The following HOOK3 variants were observed in gnomAD, a reference collection of about 807,000 sequenced individuals.
HOOK3 encodes protein Hook homolog 3.
Under a neutral mutation model 116.3 loss-of-function variants are expected in HOOK3, and 24 were observed. The observed-to-expected ratio is 0.21, with a 90% CI of 0.15 to 0.29. HOOK3 has a LOEUF of 0.29. HOOK3 is among the 10% of genes least tolerant of loss of function. HOOK3 has a pLI of 1.00. For missense variants in HOOK3, 632 were observed against 830.2 expected (o/e 0.76, Z 2.93); for synonymous variants, 275 against 283.0 (o/e 0.97, Z 0.28).
chr8:42,912,681 TCCTTG>T (rs1169836147), intron 2 of HOOK3, among the ~76,000 whole-genome samples: 1 of 146,558 alleles, frequency 6.8e-6, no homozygotes, highest in Non-Finnish European at 1.5e-5. Flanking sequence ...CACCACACAC[TCCTTG>T]CCCACCACAC....
At chr8:42,948,249 A>G (rs996098725) in intron 5 of HOOK3, among the ~76,000 whole-genome samples, 25 of 152,214 alleles carry the variant, frequency 1.6e-4, no homozygotes, top group African/African-American at 6.0e-4. Context: ...GTGATAAACT[A>G]TGCTGTGAAT....
At chr8:42,954,662 T>C (rs1000074315) in intron 6 of HOOK3, among the ~76,000 whole-genome samples, 8 of 152,234 alleles carry the variant, frequency 5.3e-5, no homozygotes, top group Admixed American at 6.5e-5. Flanking sequence ...CAAATACTTA[T>C]TGAGTACCCA....
At chr8:42,927,157 A>G (rs1464424102) in intron 3 of HOOK3, among the ~76,000 whole-genome samples, 1 of 150,698 alleles carries the variant, frequency 6.6e-6, no homozygotes. Flanking sequence ...TAAGAAAAGT[A>G]TTTATTTGTT....
At position 43,029,866 on chromosome 8, in the gene HOOK3, T is replaced by C. The variant is rs1809998910; in HGVS notation, c.*11368T>C. The C allele has an allele frequency of 4.7e-6, 1 of 213,940 alleles. No individual in the cohort carries two copies. The highest frequency in any genetic ancestry group is 2.3e-5 in the African/African-American group (1 of 44,266). 13.3% of individuals were successfully genotyped at this position (213,940 alleles called of 1,614,324 possible). A position where few individuals can be genotyped will look rare whatever the true frequency, so the allele number is the denominator to read the frequency against. On this transcript the variant is annotated 3_prime_UTR_variant, in exon 22 of 22. Coordinates refer to ENST00000307602, the MANE Select transcript of HOOK3 (RefSeq NM_032410.4). Reference sequence around the variant, plus strand: ...TGAAGCCTTATATTCATGTCTTAAGTACCATTGATTGTTCTGTGAATTGTT... The same window carrying C: ...TGAAGCCTTATATTCATGTCTTAAGCACCATTGATTGTTCTGTGAATTGTT...
intron 4 of HOOK3, among the ~76,000 whole-genome samples, chr8:42,939,843 C>T (rs548960124): frequency 3.3e-4 from 49 of 150,168 alleles, no homozygotes; most frequent in African/African-American, 8.8e-4. Context: ...ACATCCCGGA[C>T]GGGGCGGCAG....
chr8:42,920,589 A>G (rs1300798648), intron 2 of HOOK3, among the ~76,000 whole-genome samples: 1 of 152,216 alleles, frequency 6.6e-6, no homozygotes. Flanking sequence ...CAAGAAGGTG[A>G]TGAATGACGC....
At chr8:42,952,044 C>T (rs1043762541) in intron 6 of HOOK3, among the ~76,000 whole-genome samples, 1 of 152,188 alleles carries the variant, frequency 6.6e-6, no homozygotes, top group Non-Finnish European at 1.5e-5. Context: ...CTGACACCAA[C>T]TACCCAAAGT....
chr8:42,907,967 T>A (rs1392175573), intron 2 of HOOK3, among the ~76,000 whole-genome samples: 1 of 151,664 alleles, frequency 6.6e-6, no homozygotes, highest in African/African-American at 2.4e-5. Flanking sequence ...ATGAATACAG[T>A]AAAGTTGCAG....
chr8:42,937,551 A>G (rs972192968), intron 4 of HOOK3, among the ~76,000 whole-genome samples: 2 of 151,848 alleles, frequency 1.3e-5, no homozygotes, highest in Non-Finnish European at 2.9e-5. Flanking sequence ...CCCTCTAAAC[A>G]CTGCTTTAGC....
At chr8:42,949,260 A>AT (rs750245591) in intron 5 of HOOK3, 2 of 152,248 alleles carry the variant, frequency 1.3e-5, no homozygotes, top group Non-Finnish European at 2.9e-5. Context: ...TGCAAAGGCA[A>AT]GAAATTGTTT....
chr8:42,937,333 C>A (rs553335164), intron 4 of HOOK3, among the ~76,000 whole-genome samples: 18 of 148,608 alleles, frequency 1.2e-4, no homozygotes, highest in East Asian at 3.9e-4. Context: ...TAAAAAAAAA[C>A]CAGCTCCTGG....
intron 5 of HOOK3, among the ~76,000 whole-genome samples, chr8:42,945,001 C>T (rs552920718): frequency 2.8e-4 from 43 of 152,192 alleles, no homozygotes; most frequent in African/African-American, 8.9e-4. Context: ...ATTATTATTA[C>T]GTTGAAATAT....
chr8:42,919,465 G>C (rs1210981322), intron 2 of HOOK3, among the ~76,000 whole-genome samples: 76 of 148,930 alleles, frequency 5.1e-4, no homozygotes, highest in African/African-American at 1.8e-3. Flanking sequence ...CAGACTGGGC[G>C]GCCGGGCAGA....
chr8:42,931,121 G>C (rs937988716), intron 4 of HOOK3, among the ~76,000 whole-genome samples: 3 of 152,178 alleles, frequency 2.0e-5, no homozygotes, highest in Admixed American at 6.5e-5. Context: ...CTCTGCTTCT[G>C]TGCCTGAAAT....
intron 11 of HOOK3, among the ~76,000 whole-genome samples, chr8:42,969,791 C>G (rs1030772613): frequency 2.6e-5 from 4 of 152,082 alleles, no homozygotes; most frequent in African/African-American, 7.2e-5. Context: ...CTATTTTTAT[C>G]TTTTACCCAC....
At chr8:42,988,675 A>G (rs1173850886) in intron 15 of HOOK3, among the ~76,000 whole-genome samples, 2 of 152,182 alleles carry the variant, frequency 1.3e-5, no homozygotes, top group African/African-American at 4.8e-5. Context: ...TGTCTCAGGC[A>G]TTGTGCTGGG....
chr8:42,964,782 G>T (rs1162758310), intron 9 of HOOK3, among the ~76,000 whole-genome samples: 1 of 138,396 alleles, frequency 7.2e-6, no homozygotes, highest in Non-Finnish European at 1.6e-5. Context: ...AGCCGAGATC[G>T]TGCCACTGCA....
In HOOK3 at chr8:43,020,328, T is replaced by G. The variant is rs1483765692; in HGVS notation, c.*1830T>G. The G allele has an allele frequency of 1.5e-5, 3 of 198,278 alleles. No individual in the cohort carries two copies. Among genetic ancestry groups the G allele is most frequent in the Non-Finnish European group, 3.1e-5 (3 of 95,868 alleles). 12.3% of individuals were successfully genotyped at this position (198,278 alleles called of 1,614,324 possible). Reference sequence around the variant, plus strand: ...AGGAGGCTACGCAGACCTGATCAACTGCAAAGTTTCCAAAGTAAAAGATTA... The same window carrying G: ...AGGAGGCTACGCAGACCTGATCAACGGCAAAGTTTCCAAAGTAAAAGATTA... On this transcript the variant is annotated 3_prime_UTR_variant, in exon 22 of 22. Transcript: ENST00000307602.
intron 11 of HOOK3, among the ~76,000 whole-genome samples, chr8:42,968,590 A>C (rs999716229): frequency 6.6e-6 from 1 of 152,174 alleles, no homozygotes; most frequent in Non-Finnish European, 1.5e-5. Context: ...TCAGCCTTCC[A>C]AAGTGCTAGG....
Sources: gnomAD v4.1 joint callset for allele counts (sites outside exome capture counted in the v4.1 genomes callset) on GRCh38, gnomAD v4.1.1 for gene constraint, MANE v1.5 for transcripts, NCBI Gene and HGNC (gene_info 2026-07-23, HGNC 2026-07-21) for gene names.